The following WDR76 variants were observed in gnomAD, a reference collection of about 807,000 sequenced individuals.
WDR76 encodes WD repeat-containing protein 76.
In WDR76, 52 loss-of-function variants were observed where a neutral mutation model predicts 70.2. That is an observed-to-expected ratio of 0.74 (90% CI 0.59 to 0.93). The LOEUF (loss-of-function observed/expected upper bound fraction) is 0.93, where lower values mean the gene tolerates loss of function less well. WDR76 is among the 40% of genes least tolerant of loss of function. WDR76 has a pLI of 0.00. For synonymous variants in WDR76, 292 were observed against 271.1 expected (o/e 1.08, Z -0.76); for missense variants, 756 against 760.2 (o/e 0.99, Z 0.07).
rs1244937971 is a variant in WDR76 at position 43,848,378 on chromosome 15, C to A, written c.1033-2709C>A. 4.6e-5 allele frequency among the ~76,000 whole-genome samples: 7 copies of A among 152,186 alleles called. 1 individual carries two copies. The highest frequency in any genetic ancestry group is 1.7e-4 in the African/African-American group (7 of 41,438). On this transcript the variant is annotated intron_variant, in intron 8 of 12. Transcript: ENST00000263795. ...CAGCATAATTTAGCTTCTGCCCTGC[C>A]CCGTGTGCAGAATCTATACTGGTAA...
intron 4 of WDR76, among the ~76,000 whole-genome samples, chr15:43,837,944 C>T (rs181366131): frequency 3.5e-4 from 51 of 147,142 alleles, no homozygotes; most frequent in African/African-American, 9.4e-4. Flanking sequence ...GGCGCGATCT[C>T]GGCTCACTGC....
Position 43,843,863 on chromosome 15 carries a change from G to C in WDR76, c.879-38G>C, listed in dbSNP as rs576834562. ...TTTACTTATTTTGACTATTGAGATT[G>C]GTTTTACTTACAAAATTTAACTTTG... is the stretch of plus-strand genomic sequence containing the variant. On this transcript the variant is annotated intron_variant, in intron 7 of 12. Transcript: ENST00000263795. The C allele has an allele frequency of 4.7e-6, 7 of 1,502,426 alleles. No homozygotes were observed. In the Admixed American group the frequency reaches 1.1e-4, roughly 24 times the overall value. 93.1% of individuals were successfully genotyped at this position (1,502,426 alleles called of 1,614,324 possible).
At chr15:43,862,198 C>T (rs2088006074) in intron 12 of WDR76, among the ~76,000 whole-genome samples, 1 of 149,536 alleles carries the variant, frequency 6.7e-6, no homozygotes, top group Admixed American at 6.7e-5. Flanking sequence ...TCCTCTTTGT[C>T]ACTATTTATG....
intron 10 of WDR76, among the ~76,000 whole-genome samples, chr15:43,858,194 G>A (rs983575446): frequency 6.6e-6 from 1 of 151,574 alleles, no homozygotes; most frequent in African/African-American, 2.4e-5. Flanking sequence ...GCCTCCCAAA[G>A]TGCTGGGATT....
chr15:43,862,276 CTTTT>C, intron 12 of WDR76, among the ~76,000 whole-genome samples: 13 of 42,170 alleles, frequency 3.1e-4, no homozygotes, highest in African/African-American at 1.1e-3. Flanking sequence ...TTATCAGTTT[CTTTT>C]TTTTTTTTTT....
intron 9 of WDR76, among the ~76,000 whole-genome samples, chr15:43,852,161 A>T (rs188851488): frequency 3.9e-5 from 6 of 152,328 alleles, no homozygotes; most frequent in Admixed American, 2.6e-4. Context: ...CCTCAATAAG[A>T]TAAGTCTTAT....
chr15:43,839,982 C>T (rs1267485074), intron 5 of WDR76, among the ~76,000 whole-genome samples: 3 of 152,002 alleles, frequency 2.0e-5, no homozygotes, highest in Non-Finnish European at 2.9e-5. Context: ...CTCAGCCTCC[C>T]GAATAGCTGG....
intron 2 of WDR76, among the ~76,000 whole-genome samples, chr15:43,830,376 A>G (rs1005165810): frequency 6.6e-6 from 1 of 152,048 alleles, no homozygotes; most frequent in African/African-American, 2.4e-5. Context: ...CAGCCTGACC[A>G]ACATGGAGAA....
rs753740451 is a variant in WDR76, at chr15:43,857,054, C to T, written c.1300C>T (p.Arg434Trp). The change falls in exon 10 of 13, where the codon CGG becomes TGG. Residue 434 changes from arginine to tryptophan, a missense_variant. By Grantham distance (101) the Arg-to-Trp change is moderately radical. Coordinates refer to ENST00000263795, the MANE Select transcript of WDR76 (RefSeq NM_024908.4). ...TGGAAATATGTCACTGGTGGATAGA[C>T]GGACACCTGGAACTTCTTATGAGAA... ...WDGNMSLVDR[R>W]TPGTSYEKLT... is the part of the protein sequence containing the mutation. The T allele has an allele frequency of 5.6e-6, 9 of 1,614,034 alleles. No individual in the cohort carries two copies. Among genetic ancestry groups the T allele is most frequent in the South Asian group, 5.5e-5 (5 of 91,074 alleles).
intron 8 of WDR76, among the ~76,000 whole-genome samples, chr15:43,846,800 A>G (rs1214600121): frequency 2.0e-5 from 3 of 152,122 alleles, no homozygotes; most frequent in East Asian, 1.9e-4. Flanking sequence ...GGTTTGGCGG[A>G]TCACCTGAGG....
At position 43,857,022 on chromosome 15, in the gene WDR76, A is replaced by T; in HGVS notation, c.1268A>T (p.His423Leu). Residue 423 changes from histidine to leucine, a missense_variant, in exon 10 of 13, where the codon CAC becomes CTC. Transcript: ENST00000263795. The stretch of plus-strand genomic sequence containing the variant: ...GATGCCTCCACTTTAATAGTAGGAC[A>T]CTGGGATGGAAATATGTCACTGGTG... ...AEDASTLIVGHWDGNMSLVDR... is the reference protein window; with the variant it reads ...AEDASTLIVGLWDGNMSLVDR... The T allele has an allele frequency of 1.2e-6, 2 of 1,614,128 alleles. No individual in the cohort carries two copies. The highest frequency in any genetic ancestry group is 1.7e-6 in the Non-Finnish European group (2 of 1,180,006).
At chr15:43,832,749 T>TG (rs1555461214) in intron 2 of WDR76, among the ~76,000 whole-genome samples, 2 of 128,262 alleles carry the variant, frequency 1.6e-5, no homozygotes, top group Admixed American at 8.1e-5. Flanking sequence ...CTTTGTTTTT[T>TG]TTTTTTTTTT....
intron 7 of WDR76, among the ~76,000 whole-genome samples, chr15:43,842,940 T>A (rs1048108579): frequency 2.0e-5 from 3 of 152,076 alleles, no homozygotes; most frequent in African/African-American, 4.8e-5. Flanking sequence ...GTTGAATAAA[T>A]GAGTGAATCC....
chr15:43,863,080 C>T (rs2140314567), intron 12 of WDR76, among the ~76,000 whole-genome samples: 1 of 152,272 alleles, frequency 6.6e-6, no homozygotes, highest in East Asian at 1.9e-4. Flanking sequence ...GGACTACAGG[C>T]ATGCACCACT....
At position 43,867,846 on chromosome 15, in the gene WDR76, A is replaced by C. The variant is rs1045656118; in HGVS notation, c.*1454A>C. On this transcript the variant is annotated 3_prime_UTR_variant, in exon 13 of 13. Transcript: ENST00000263795. ...GAGGGGAGCTGCCAAATCAGTTACTAATATTACTGTGTGACATCTATCCAA... is the reference window on the plus strand; with the variant it reads ...GAGGGGAGCTGCCAAATCAGTTACTCATATTACTGTGTGACATCTATCCAA... The C allele has an allele frequency of 2.6e-5, 4 of 152,314 alleles. No homozygotes were observed. In the East Asian group the frequency reaches 7.7e-4, roughly 29 times the overall value. 9.4% of individuals were successfully genotyped at this position (152,314 alleles called of 1,614,324 possible).
intron 9 of WDR76, among the ~76,000 whole-genome samples, chr15:43,855,235 C>T (rs898332202): frequency 6.6e-6 from 1 of 152,184 alleles, no homozygotes; most frequent in African/African-American, 2.4e-5. Context: ...ATACTAGGCA[C>T]TATCTTGAGT....
intron 4 of WDR76, among the ~76,000 whole-genome samples, chr15:43,837,055 A>C (rs2087665839): frequency 6.6e-6 from 1 of 151,696 alleles, no homozygotes; most frequent in Non-Finnish European, 1.5e-5. Flanking sequence ...AAAAAAAAAA[A>C]ACAAAAAAAA....
At chr15:43,833,320 CTTT>C (rs572785012) in intron 2 of WDR76, among the ~76,000 whole-genome samples, 6 of 134,194 alleles carry the variant, frequency 4.5e-5, no homozygotes, top group African/African-American at 8.0e-5. Flanking sequence ...CTTTTCTTTT[CTTT>C]TTTTTTTTTT....
At chr15:43,836,664 C>A (rs1352693621) in intron 4 of WDR76, among the ~76,000 whole-genome samples, 1 of 152,044 alleles carries the variant, frequency 6.6e-6, no homozygotes, top group East Asian at 1.9e-4. Context: ...CCTATATTAT[C>A]TCATTTAACT....
Sources: allele counts gnomAD v4.1 joint callset (sites outside exome capture counted in the v4.1 genomes callset), GRCh38; gene constraint gnomAD v4.1.1; transcripts MANE v1.5; gene names NCBI Gene and HGNC (gene_info 2026-07-23, HGNC 2026-07-21).